ZNF248: variants seen among roughly 807,000 people sequenced by gnomAD.
The protein encoded by ZNF248 is zinc finger protein 248, also known as KRAB protein domain.
Under a neutral mutation model 44.3 loss-of-function variants are expected in ZNF248, and 20 were observed. That is an observed-to-expected ratio of 0.45 (90% CI 0.32 to 0.66). ZNF248 has a LOEUF of 0.66. ZNF248 is among the 30% of genes least tolerant of loss of function. ZNF248 has a pLI of 0.04. For missense variants in ZNF248, 654 were observed against 677.0 expected (o/e 0.97, Z 0.38); for synonymous variants, 224 against 229.0 (o/e 0.98, Z 0.20).
chr10:37,772,843 C>T, downstream of ZNF248, among the ~76,000 whole-genome samples: 1 of 152,222 alleles, frequency 6.6e-6, no homozygotes, highest in East Asian at 1.9e-4. Context: ...TTCCACATTT[C>T]TGACTAAACT....
At chr10:37,854,642 A>G (rs930730262) in intron 3 of ZNF248, among the ~76,000 whole-genome samples, 2 of 152,214 alleles carry the variant, frequency 1.3e-5, no homozygotes, top group South Asian at 2.1e-4. Flanking sequence ...AAATAATACT[A>G]TCTCTAGGAC....
downstream of ZNF248, among the ~76,000 whole-genome samples, chr10:37,825,763 G>A (rs946243110): frequency 2.6e-5 from 4 of 152,038 alleles, no homozygotes; most frequent in African/African-American, 9.7e-5. Context: ...AACTTTGAAT[G>A]GGAATGAAAT....
intron 3 of ZNF248, 106 bp downstream of exon 3, chr10:37,856,190 G>T: frequency 7.8e-7 from 1 of 1,289,752 alleles, no homozygotes; most frequent in Non-Finnish European, 1.1e-6. Flanking sequence ...TTCCCTTAAT[G>T]TCAATTTTTG....
chr10:37,824,649 TGCAGAGGCAAA>T (rs1195972032), downstream of ZNF248, among the ~76,000 whole-genome samples: 1 of 145,644 alleles, frequency 6.9e-6, no homozygotes, highest in African/African-American at 2.6e-5. Flanking sequence ...GCATACCAAT[TGCAGAGGCAAA>T]AAATTATTTT....
At chr10:37,778,846 C>A (rs1027449423) in intron 6 of ZNF248, among the ~76,000 whole-genome samples, 8 of 152,108 alleles carry the variant, frequency 5.3e-5, no homozygotes, top group Non-Finnish European at 1.0e-4. Flanking sequence ...CCACTGATCC[C>A]ACAGAAATAC....
At chr10:37,791,757 A>G (rs528937160) in intron 6 of ZNF248, 4 of 152,362 alleles carry the variant, frequency 2.6e-5, no homozygotes, top group Admixed American at 2.6e-4. Flanking sequence ...GAGCATGTTG[A>G]AAGAACCCAG....
intron 6 of ZNF248, among the ~76,000 whole-genome samples, chr10:37,805,329 T>C (rs1017619632): frequency 7.2e-5 from 11 of 152,182 alleles, no homozygotes; most frequent in African/African-American, 2.7e-4. Context: ...TACAATTGAA[T>C]ATCTGAATGC....
chr10:37,797,691 AG>A (rs2133167004), intron 6 of ZNF248, among the ~76,000 whole-genome samples: 1 of 152,286 alleles, frequency 6.6e-6, no homozygotes, highest in South Asian at 2.1e-4. Context: ...ATGGCCAACA[AG>A]CCCATGTAAA....
chr10:37,853,872 T>C (rs1470871145), intron 3 of ZNF248, among the ~76,000 whole-genome samples: 2 of 152,038 alleles, frequency 1.3e-5, no homozygotes, highest in African/African-American at 4.8e-5. Context: ...GGCAAATAAC[T>C]GTAGATGAAG....
chr10:37,855,079 A>G (rs893430236), intron 3 of ZNF248, among the ~76,000 whole-genome samples: 1 of 152,236 alleles, frequency 6.6e-6, no homozygotes, highest in African/African-American at 2.4e-5. Context: ...TAAACTGAGG[A>G]AGCAAATAAG....
intron 6 of ZNF248, among the ~76,000 whole-genome samples, chr10:37,817,882 G>GCCTA (rs2052772764): frequency 6.6e-6 from 1 of 151,876 alleles, no homozygotes; most frequent in Admixed American, 6.6e-5. Context: ...CACTGGACTA[G>GCCTA]CCTAGTCTGT....
intron 6 of ZNF248, among the ~76,000 whole-genome samples, chr10:37,782,628 T>G (rs926886573): frequency 6.6e-6 from 1 of 152,158 alleles, no homozygotes; most frequent in East Asian, 1.9e-4. Context: ...GGCCCTTTTC[T>G]AATGACTGGT....
chr10:37,837,215 A>G (rs995587018), intron 5 of ZNF248, among the ~76,000 whole-genome samples: 4 of 152,018 alleles, frequency 2.6e-5, no homozygotes, highest in Admixed American at 6.6e-5. Flanking sequence ...CCAGGTTCAC[A>G]TGGTTCTCCT....
At chr10:37,851,734 C>CA (rs200931321) in intron 3 of ZNF248, among the ~76,000 whole-genome samples, 426 of 15,384 alleles carry the variant, frequency 0.028, 2 homozygotes, top group African/African-American at 0.095. Flanking sequence ...AAATAAATAA[C>CA]AAAAAAAAAT....
At chr10:37,793,715 ATGTT>A (rs2048824607) in intron 6 of ZNF248, among the ~76,000 whole-genome samples, 1 of 152,254 alleles carries the variant, frequency 6.6e-6, no homozygotes, top group African/African-American at 2.4e-5. Context: ...GAGACCTTAT[ATGTT>A]TATTTCTATT....
intron 6 of ZNF248, among the ~76,000 whole-genome samples, chr10:37,814,262 T>C (rs199688782): frequency 7.4e-6 from 1 of 134,536 alleles, no homozygotes; most frequent in African/African-American, 2.5e-5. Context: ...CTCAATAACA[T>C]ACAAAAAACT....
At chr10:37,800,176 C>T (rs1483010227) in intron 6 of ZNF248, among the ~76,000 whole-genome samples, 1 of 152,096 alleles carries the variant, frequency 6.6e-6, no homozygotes, top group Non-Finnish European at 1.5e-5. Context: ...AGGTAAGTTG[C>T]ATGTCATGAA....
chr10:37,772,416 G>T (rs2046290777), downstream of ZNF248, among the ~76,000 whole-genome samples: 1 of 152,176 alleles, frequency 6.6e-6, no homozygotes, highest in Admixed American at 6.5e-5. Flanking sequence ...AGACACTGCT[G>T]AACTCCAAGT....
chr10:37,838,448 A>C (rs1370103775), intron 3 of ZNF248, among the ~76,000 whole-genome samples: 1 of 152,254 alleles, frequency 6.6e-6, no homozygotes, highest in African/African-American at 2.4e-5. Flanking sequence ...GAAGTTACAG[A>C]GGAAATATTA....
Sources: gnomAD v4.1 joint callset for allele counts (sites outside exome capture counted in the v4.1 genomes callset) on GRCh38, gnomAD v4.1.1 for gene constraint, MANE v1.5 for transcripts, NCBI Gene and HGNC (gene_info 2026-07-23, HGNC 2026-07-21) for gene names.